The following ASTN2 variants were observed in gnomAD, a reference collection of about 807,000 sequenced individuals.
ASTN2 encodes the protein astrotactin-2.
In ASTN2, 54 loss-of-function variants were observed where a neutral mutation model predicts 139.8. The observed-to-expected ratio is 0.39, with a 90% CI of 0.31 to 0.48. The LOEUF (loss-of-function observed/expected upper bound fraction) is 0.48, where lower values mean the gene tolerates loss of function less well. Among genes scored for constraint, ASTN2 ranks in the 20% least tolerant of loss-of-function variants. The pLI, the probability that ASTN2 is intolerant of heterozygous loss-of-function variation, is 0.95. For missense variants in ASTN2, 1,565 were observed against 1,725.1 expected (o/e 0.91, Z 1.64); for synonymous variants, 756 against 719.5 (o/e 1.05, Z -0.81).
At chr9:116,763,529 T>C (rs1829728334) in intron 13 of ASTN2, among the ~76,000 whole-genome samples, 1 of 152,116 alleles carries the variant, frequency 6.6e-6, no homozygotes, top group African/African-American at 2.4e-5. Context: ...GGCAAGAGAA[T>C]ACCTATGGAG....
intron 3 of ASTN2, among the ~76,000 whole-genome samples, chr9:117,188,845 G>A (rs1831273676): frequency 6.6e-6 from 1 of 152,154 alleles, no homozygotes; most frequent in Admixed American, 6.5e-5. Flanking sequence ...TCCCATGGGA[G>A]CCAGGTACCC....
chr9:116,802,831 T>A (rs1052766353), intron 13 of ASTN2, among the ~76,000 whole-genome samples: 9 of 152,246 alleles, frequency 5.9e-5, no homozygotes, highest in Non-Finnish European at 1.2e-4. Context: ...CTCCCACCCT[T>A]GCTTATCCAT....
intron 19 of ASTN2, among the ~76,000 whole-genome samples, chr9:116,580,911 A>G (rs892263842): frequency 2.0e-5 from 3 of 152,184 alleles, no homozygotes; most frequent in Admixed American, 6.5e-5. Flanking sequence ...CAGCCCTAAA[A>G]TAACAGTTTT....
At chr9:117,320,396 G>T (rs1036328796) in intron 1 of ASTN2, among the ~76,000 whole-genome samples, 3 of 152,136 alleles carry the variant, frequency 2.0e-5, no homozygotes, top group South Asian at 2.1e-4. Flanking sequence ...AGACTGTCTT[G>T]CATGGCTCTT....
At chr9:116,686,844 C>T (rs886275446) in intron 16 of ASTN2, 2 of 1,549,770 alleles carry the variant, frequency 1.3e-6, no homozygotes, top group Non-Finnish European at 1.7e-6. Flanking sequence ...TGTCAGAGCA[C>T]AGAACATGAG....
At chr9:117,109,635 T>C (rs1829200358) in intron 4 of ASTN2, among the ~76,000 whole-genome samples, 1 of 152,192 alleles carries the variant, frequency 6.6e-6, no homozygotes, top group South Asian at 2.1e-4. Flanking sequence ...GTGTGACAAA[T>C]CTGACAGAAT....
chr9:117,233,819 T>C (rs1178229327), intron 2 of ASTN2, among the ~76,000 whole-genome samples: 1 of 152,212 alleles, frequency 6.6e-6, no homozygotes, highest in Non-Finnish European at 1.5e-5. Flanking sequence ...GGATTATCAA[T>C]GCTCATTGAG....
intron 5 of ASTN2, among the ~76,000 whole-genome samples, chr9:117,040,590 C>G (rs1838534424): frequency 6.6e-6 from 1 of 152,204 alleles, no homozygotes; most frequent in Middle Eastern, 3.2e-3. Flanking sequence ...TCCTGAGTAG[C>G]TGGGATTACA....
chr9:116,561,332 T>A (rs1852903612), intron 19 of ASTN2, among the ~76,000 whole-genome samples: 1 of 152,218 alleles, frequency 6.6e-6, no homozygotes, highest in Non-Finnish European at 1.5e-5. Context: ...GGGCCCTTGG[T>A]AGAAGTTCAA....
rs576799628 is a variant in ASTN2 at position 117,302,503 on chromosome 9, G to C, written c.443-10990C>G. ...TTAGCAGTATGCGGGACAAGGAGTG[G>C]TAAAAATCCCTTATAATGCCAGGGC... On this transcript the variant is annotated intron_variant, in intron 1 of 22. Coordinates refer to ENST00000313400, the MANE Select transcript of ASTN2 (RefSeq NM_001365068.1). Among the ~76,000 whole-genome samples the C allele has an allele frequency of 5.3e-5, 8 of 152,218 alleles. No individual in the cohort carries two copies. In the East Asian group the frequency reaches 1.4e-3, roughly 26 times the overall value.
intron 1 of ASTN2, among the ~76,000 whole-genome samples, chr9:117,297,820 T>G (rs1250160485): frequency 6.6e-6 from 1 of 152,166 alleles, no homozygotes; most frequent in African/African-American, 2.4e-5. Flanking sequence ...GATGGAAGCT[T>G]TCAAGAGGGT....
At chr9:116,556,746 T>G (rs62574414) in intron 19 of ASTN2, among the ~76,000 whole-genome samples, 2 of 152,124 alleles carry the variant, frequency 1.3e-5, no homozygotes, top group African/African-American at 2.4e-5. Context: ...TAAGCAAATA[T>G]AAATCTATGA....
chr9:116,966,714 A>G (rs892005169), intron 10 of ASTN2, among the ~76,000 whole-genome samples: 1 of 151,632 alleles, frequency 6.6e-6, no homozygotes, highest in Non-Finnish European at 1.5e-5. Context: ...TTAAAAAAAA[A>G]AAAAAGGAGG....
rs577381712 is a variant in ASTN2 at position 116,454,230 on chromosome 9, C to T, written c.3498-11677G>A. On this transcript the variant is annotated intron_variant, in intron 20 of 22. Coordinates refer to ENST00000313400, the MANE Select transcript of ASTN2 (RefSeq NM_001365068.1). ...TCCCTTATATAGATACAACAGAATACTAAACTAACCATACTGAACAACTAT... is the reference window on the plus strand; with the variant it reads ...TCCCTTATATAGATACAACAGAATATTAAACTAACCATACTGAACAACTAT... 1.6e-3 allele frequency among the ~76,000 whole-genome samples: 239 copies of T among 152,266 alleles called. 1 individual carries two copies. The highest frequency in any genetic ancestry group is 5.1e-3 in the African/African-American group (212 of 41,550).
At chr9:117,343,409 G>A (rs574349370) in intron 1 of ASTN2, among the ~76,000 whole-genome samples, 4 of 152,296 alleles carry the variant, frequency 2.6e-5, no homozygotes, top group East Asian at 1.9e-4. Context: ...TTCCTACAGT[G>A]CATGAACTTG....
chr9:117,041,182 G>A (rs10983469), intron 5 of ASTN2, among the ~76,000 whole-genome samples: 67,322 of 151,842 alleles, frequency 0.44, 15,383 homozygotes, highest in Non-Finnish European at 0.48. Context: ...TTGAGTCCCC[G>A]TTTGTTTCTC....
intron 21 of ASTN2, among the ~76,000 whole-genome samples, chr9:116,441,619 T>C (rs1847842391): frequency 6.6e-6 from 1 of 152,196 alleles, no homozygotes; most frequent in Non-Finnish European, 1.5e-5. Context: ...AAAACATTTA[T>C]AATTGAGTTT....
At chr9:116,863,510 G>C (rs1037224749) in intron 11 of ASTN2, 73 bp downstream of exon 11, 7 of 1,553,778 alleles carry the variant, frequency 4.5e-6, no homozygotes, top group Non-Finnish European at 6.1e-6. Flanking sequence ...GCGTTCCCTC[G>C]CAGGGCAGGG....
intron 3 of ASTN2, among the ~76,000 whole-genome samples, chr9:117,184,616 A>G (rs1460714026): frequency 1.3e-5 from 2 of 152,186 alleles, no homozygotes; most frequent in Non-Finnish European, 1.5e-5. Context: ...CTGTCAGTAG[A>G]TAAGAGTTCG....
Sources: allele counts gnomAD v4.1 joint callset (sites outside exome capture counted in the v4.1 genomes callset), GRCh38; gene constraint gnomAD v4.1.1; transcripts MANE v1.5; gene names NCBI Gene and HGNC (gene_info 2026-07-23, HGNC 2026-07-21).